MAP3K20: variants seen among roughly 807,000 people sequenced by gnomAD.
MAP3K20 encodes mitogen-activated protein kinase kinase kinase 20, also known as HCCS-4.
A neutral mutation model predicts 85.7 loss-of-function variants in MAP3K20; 40 were observed. The ratio of observed to expected loss-of-function variants is 0.47; its 90% confidence interval spans 0.36 to 0.61. The LOEUF (loss-of-function observed/expected upper bound fraction) is 0.61. Ranked by LOEUF, MAP3K20 falls within the 20% of genes least tolerant of loss-of-function variation. The probability of loss-of-function intolerance (pLI) is 0.00; values close to 1 mark genes in which losing one functional copy is unlikely to be tolerated. For missense variants in MAP3K20, 817 were observed against 961.7 expected (o/e 0.85, Z 1.99); for synonymous variants, 325 against 327.7 (o/e 0.99, Z 0.09).
rs780212656 is a variant in MAP3K20 at position 173,190,871 on chromosome 2, A to G, written c.416-24A>G. 7.0e-6 allele frequency: 11 copies of G among 1,572,930 alleles called. 1 individual carries two copies. Among genetic ancestry groups the G allele is most frequent in the South Asian group, 4.6e-5 (4 of 87,348 alleles). On this transcript the variant is annotated intron_variant, in intron 5 of 19. Coordinates refer to ENST00000375213, the MANE Select transcript of MAP3K20 (RefSeq NM_016653.3). ...TCAAACAAATTAGATGATTGTCATAATTTATCCTTTTTTCTTTTTTTAGTT... is the reference window on the plus strand; with the variant it reads ...TCAAACAAATTAGATGATTGTCATAGTTTATCCTTTTTTCTTTTTTTAGTT...
chr2:173,259,581 G>T (rs981653230), intron 17 of MAP3K20, among the ~76,000 whole-genome samples: 6 of 152,176 alleles, frequency 3.9e-5, no homozygotes, highest in African/African-American at 1.4e-4. Flanking sequence ...AGTGAAGAAA[G>T]TGGGGCGTGT....
chr2:173,095,984 G>C (rs1398859379), intron 2 of MAP3K20, among the ~76,000 whole-genome samples: 2 of 152,128 alleles, frequency 1.3e-5, no homozygotes, highest in Non-Finnish European at 1.5e-5. Context: ...TAAAGAAAAG[G>C]TGAAAAGGTT....
chr2:173,127,593 C>A (rs1337593321), intron 2 of MAP3K20, among the ~76,000 whole-genome samples: 5 of 152,048 alleles, frequency 3.3e-5, no homozygotes, highest in Admixed American at 2.6e-4. Flanking sequence ...ATAAACCGAA[C>A]CTTTCTTCTT....
At chr2:173,141,441 AC>A (rs1386795372) in intron 2 of MAP3K20, among the ~76,000 whole-genome samples, 1 of 152,200 alleles carries the variant, frequency 6.6e-6, no homozygotes, top group Non-Finnish European at 1.5e-5. Flanking sequence ...TGTAAATTGT[AC>A]TGATGGGGCT....
chr2:173,208,397 T>TTAA (rs1683762885), intron 9 of MAP3K20, among the ~76,000 whole-genome samples: 17 of 144,834 alleles, frequency 1.2e-4, no homozygotes. Flanking sequence ...GACTCTGTCT[T>TTAA]AAAAAAAAAA....
At chr2:173,120,855 G>A (rs1044218905) in intron 2 of MAP3K20, among the ~76,000 whole-genome samples, 6 of 151,586 alleles carry the variant, frequency 4.0e-5, no homozygotes, top group East Asian at 3.9e-4. Context: ...CTACAGGTGC[G>A]TGCCACCATG....
intron 16 of MAP3K20, among the ~76,000 whole-genome samples, chr2:173,256,657 G>A (rs1469858697): frequency 6.6e-6 from 1 of 152,004 alleles, no homozygotes; most frequent in Non-Finnish European, 1.5e-5. Flanking sequence ...TATTTATACA[G>A]CAAAGTTGAA....
chr2:173,076,394 C>T (rs1686863038), intron 1 of MAP3K20, among the ~76,000 whole-genome samples: 2 of 152,118 alleles, frequency 1.3e-5, no homozygotes, highest in African/African-American at 2.4e-5. Flanking sequence ...AGCAGCAGAG[C>T]CGGCCAAGCA....
chr2:173,169,355 A>G (rs1303550869), intron 2 of MAP3K20, among the ~76,000 whole-genome samples: 2 of 152,158 alleles, frequency 1.3e-5, no homozygotes, highest in East Asian at 3.9e-4. Flanking sequence ...AAATGTTTCA[A>G]CTTTCAAGAA....
intron 2 of MAP3K20, among the ~76,000 whole-genome samples, chr2:173,164,724 A>G (rs1689764730): frequency 6.6e-6 from 1 of 152,198 alleles, no homozygotes; most frequent in Non-Finnish European, 1.5e-5. Context: ...ATATTTTTTA[A>G]CTGTTGGAAA....
intron 7 of MAP3K20, chr2:173,197,784 AT>A (rs1690898216): frequency 9.5e-6 from 2 of 210,370 alleles, no homozygotes; most frequent in Admixed American, 1.1e-4. Context: ...GTTTCATAAA[AT>A]TTTAAGTCTG....
intron 11 of MAP3K20, among the ~76,000 whole-genome samples, chr2:173,219,936 C>T (rs189326640): frequency 1.7e-4 from 26 of 151,940 alleles, no homozygotes; most frequent in South Asian, 8.4e-4. Flanking sequence ...GGCGTGGTGG[C>T]GGGCGCCTGT....
chr2:173,236,636 A>G (rs1684658434), intron 14 of MAP3K20, among the ~76,000 whole-genome samples: 1 of 152,188 alleles, frequency 6.6e-6, no homozygotes, highest in South Asian at 2.1e-4. Flanking sequence ...TGTATGTAAG[A>G]ATGGCTACCC....
At position 173,239,350 on chromosome 2, in the gene MAP3K20, C is replaced by T. The variant is rs536265413; in HGVS notation, c.1267-54C>T. The T allele has an allele frequency of 2.9e-5, 40 of 1,368,454 alleles. No individual in the cohort carries two copies. The South Asian group carries it at 5.0e-4, about 17-fold the overall frequency. 84.8% of individuals were successfully genotyped at this position (1,368,454 alleles called of 1,614,324 possible). On this transcript the variant is annotated intron_variant, in intron 15 of 19. Transcript: ENST00000375213. ...TAGTGCCAAGATATCATCTTCTTTACATGAGAAGTAAAAACAACATCTAGA... is the reference window on the plus strand; with the variant it reads ...TAGTGCCAAGATATCATCTTCTTTATATGAGAAGTAAAAACAACATCTAGA...
chr2:173,154,732 T>G (rs1263363916), intron 2 of MAP3K20, among the ~76,000 whole-genome samples: 1 of 152,178 alleles, frequency 6.6e-6, no homozygotes, highest in African/African-American at 2.4e-5. Context: ...TATAAAATAA[T>G]GTAGATACTA....
At chr2:173,212,227 C>T (rs1216364419) in intron 10 of MAP3K20, 4 of 152,080 alleles carry the variant, frequency 2.6e-5, no homozygotes, top group South Asian at 2.1e-4. Flanking sequence ...TGTTGCCATT[C>T]GGGTACTGGG....
chr2:173,194,493 A>C (rs1393611754), intron 7 of MAP3K20, among the ~76,000 whole-genome samples: 1 of 152,172 alleles, frequency 6.6e-6, no homozygotes, highest in African/African-American at 2.4e-5. Context: ...AGAAAAGAGC[A>C]GGTGAGGATA....
intron 2 of MAP3K20, among the ~76,000 whole-genome samples, chr2:173,169,298 C>T (rs1689932036): frequency 1.3e-5 from 2 of 152,258 alleles, no homozygotes; most frequent in Middle Eastern, 3.4e-3. Context: ...TCTTTTATCG[C>T]TTCTTCAACC....
chr2:173,085,894 C>T (rs919642131), intron 1 of MAP3K20, among the ~76,000 whole-genome samples: 4 of 133,872 alleles, frequency 3.0e-5, no homozygotes, highest in Admixed American at 1.8e-4. Flanking sequence ...CTCTACGGTT[C>T]GAGCAATTCT....
Sources: gnomAD v4.1 joint callset for allele counts (sites outside exome capture counted in the v4.1 genomes callset) on GRCh38, gnomAD v4.1.1 for gene constraint, MANE v1.5 for transcripts, NCBI Gene and HGNC (gene_info 2026-07-23, HGNC 2026-07-21) for gene names.